CDC42BPA: variants seen among roughly 807,000 people sequenced by gnomAD.
CDC42BPA encodes serine/threonine-protein kinase MRCK alpha.
CDC42BPA carries 80 observed loss-of-function variants against 223.5 expected under a neutral mutation model. That is an observed-to-expected ratio of 0.36 (90% confidence interval 0.30 to 0.43). The LOEUF is 0.43. CDC42BPA is among the 20% of genes least tolerant of loss of function. The pLI, the probability that CDC42BPA is intolerant of heterozygous loss-of-function variation, is 1.00. For synonymous variants in CDC42BPA, 694 were observed against 718.6 expected (o/e 0.97, Z 0.55); for missense variants, 1,743 against 2,099.9 (o/e 0.83, Z 3.32).
intron 5 of CDC42BPA, among the ~76,000 whole-genome samples, chr1:227,188,751 C>T (rs944460331): frequency 1.3e-4 from 20 of 152,220 alleles, no homozygotes; most frequent in African/African-American, 4.8e-4. Context: ...GAAATTATTC[C>T]GCATAATACT....
chr1:227,205,696 C>T (rs1229305280), intron 3 of CDC42BPA, among the ~76,000 whole-genome samples: 1 of 152,086 alleles, frequency 6.6e-6, no homozygotes, highest in African/African-American at 2.4e-5. Context: ...TATACTGTTA[C>T]CCTACTTATG....
At position 226,994,180 on chromosome 1, in the gene CDC42BPA, C is replaced by CGAGCAGGCGAGGTGGAGGGAA. The variant is rs1661099777; in HGVS notation, c.*67_*87dup. On this transcript the variant is annotated 3_prime_UTR_variant, in exon 37 of 37. Coordinates refer to ENST00000366766, the MANE Select transcript of CDC42BPA (RefSeq NM_001394014.1). The surrounding 1 kb of genome is among the most constrained non-coding windows in gnomAD (Gnocchi z 4.0). Reference sequence around the variant, plus strand: ...TGCCAGCCCCTGGTGGCTTTCAGGCCGAGCAGGCGAGGTGGAGGGAAGAGA... The same window carrying CGAGCAGGCGAGGTGGAGGGAA: ...TGCCAGCCCCTGGTGGCTTTCAGGCCGAGCAGGCGAGGTGGAGGGAAGAGCAGGCGAGGTGGAGGGAAGAGA... 1.5e-6 allele frequency: 2 copies of CGAGCAGGCGAGGTGGAGGGAA among 1,369,760 alleles called. No individual in the cohort carries two copies. Among genetic ancestry groups the CGAGCAGGCGAGGTGGAGGGAA allele is most frequent in the Non-Finnish European group, 2.0e-6 (2 of 1,007,580 alleles). The allele number at this position is 1,369,760 out of a possible 1,614,324, so 84.9% of individuals were successfully genotyped here.
intron 1 of CDC42BPA, among the ~76,000 whole-genome samples, chr1:227,262,294 CAT>C (rs1365259324): frequency 6.6e-6 from 1 of 151,978 alleles, no homozygotes; most frequent in Non-Finnish European, 1.5e-5. Flanking sequence ...GATATATTAA[CAT>C]GTGCATATAG....
intron 21 of CDC42BPA, chr1:227,059,377 C>T (rs1675317088): frequency 1.9e-6 from 3 of 1,562,934 alleles, no homozygotes; most frequent in South Asian, 1.2e-5. Context: ...TCTTACACGT[C>T]TGCCTTTGCT....
intron 32 of CDC42BPA, among the ~76,000 whole-genome samples, chr1:227,017,666 C>A (rs1338414264): frequency 6.6e-6 from 1 of 152,098 alleles, no homozygotes; most frequent in Non-Finnish European, 1.5e-5. Context: ...GATGTTTAAT[C>A]ATATACACCT....
At chr1:227,163,067 T>TGTGTTTCC (rs1558649614) in intron 5 of CDC42BPA, among the ~76,000 whole-genome samples, 1 of 52,930 alleles carries the variant, frequency 1.9e-5, no homozygotes, top group African/African-American at 1.0e-4. Flanking sequence ...TTTCCAAACA[T>TGTGTTTCC]AAATGTGTGT....
rs1251263825 is a variant in CDC42BPA, at chr1:227,294,636, G to A, written c.178+22369C>T. Among the ~76,000 whole-genome samples the A allele has an allele frequency of 9.5e-5, 7 of 73,308 alleles. 1 individual carries two copies. The highest frequency in any genetic ancestry group is 2.0e-4 in the Non-Finnish European group (7 of 35,116). 48.1% of individuals were successfully genotyped at this position (73,308 alleles called of 152,430 possible). A position where few individuals can be genotyped will look rare whatever the true frequency, so the allele number is the denominator to read the frequency against. On this transcript the variant is annotated intron_variant, in intron 1 of 36. Transcript: ENST00000366766. ...AGCACTTTGGGAGGCCGAGGCGGGC[G>A]GATCACGAGGTCAGGAGATCGAGAC...
At chr1:226,998,789 G>A (rs189537629) in intron 35 of CDC42BPA, among the ~76,000 whole-genome samples, 22 of 152,170 alleles carry the variant, frequency 1.4e-4, no homozygotes, top group Admixed American at 7.2e-4. Flanking sequence ...GCCAAAATTG[G>A]CAAATGGGAT....
intron 30 of CDC42BPA, among the ~76,000 whole-genome samples, chr1:227,027,041 C>T (rs976869547): frequency 1.2e-4 from 18 of 152,152 alleles, no homozygotes; most frequent in African/African-American, 1.7e-4. Flanking sequence ...GATCCTCCTG[C>T]CTCAGCCTCC....
At position 227,156,580 on chromosome 1, in the gene CDC42BPA, T is replaced by A. The variant is rs1662859098; in HGVS notation, c.693+3963A>T. On this transcript the variant is annotated intron_variant, in intron 6 of 36. Coordinates refer to ENST00000366766, the MANE Select transcript of CDC42BPA (RefSeq NM_001394014.1). ...CAATAAGTATGCTAGAAACAAAACA[T>A]AAAATATTATCCTATTGTCCAGAAA... is the stretch of plus-strand genomic sequence containing the variant. Among the ~76,000 whole-genome samples, 3 of 151,948 alleles carry A rather than the reference T, an allele frequency of 2.0e-5. No homozygotes were observed. The South Asian group carries it at 6.2e-4, about 32-fold the overall frequency.
In CDC42BPA at chr1:227,214,642, G is replaced by A. The variant is rs12024907; in HGVS notation, c.271-1423C>T. Among the ~76,000 whole-genome samples, 15 of 152,198 alleles carry A rather than the reference G, an allele frequency of 9.9e-5. 1 individual carries two copies. The South Asian group carries it at 1.5e-3, about 15-fold the overall frequency. ...AGCTATACAAGACTCAATTTAGGGC[G>A]GGGAAAACACACAGAACACTATGAC... is the stretch of plus-strand genomic sequence containing the variant. On this transcript the variant is annotated intron_variant, in intron 2 of 36. Transcript: ENST00000366766.
chr1:227,064,479 C>T (rs994912069), intron 21 of CDC42BPA, among the ~76,000 whole-genome samples: 2 of 152,112 alleles, frequency 1.3e-5, no homozygotes, highest in African/African-American at 4.8e-5. Context: ...GAAGTTGCTA[C>T]AAGCTTGGTG....
intron 20 of CDC42BPA, 45 bp from the exon 21 acceptor site, chr1:227,069,898 T>G (rs1334993907): frequency 4.6e-6 from 6 of 1,291,926 alleles, no homozygotes; most frequent in Non-Finnish European, 6.7e-6. Flanking sequence ...ACAATTAAAA[T>G]TGATTTTAAT....
At chr1:227,255,287 T>C (rs1682843354) in intron 1 of CDC42BPA, among the ~76,000 whole-genome samples, 1 of 152,152 alleles carries the variant, frequency 6.6e-6, no homozygotes, top group South Asian at 2.1e-4. Flanking sequence ...AGATCAAAGA[T>C]ACATATTTGA....
At chr1:226,997,116 T>G (rs1661776419) in intron 35 of CDC42BPA, among the ~76,000 whole-genome samples, 1 of 152,258 alleles carries the variant, frequency 6.6e-6, no homozygotes, top group Admixed American at 6.5e-5. Flanking sequence ...GGCTATTAAT[T>G]ACTGCCTCAA....
At chr1:227,255,411 A>G (rs370529862) in intron 1 of CDC42BPA, among the ~76,000 whole-genome samples, 115 of 151,292 alleles carry the variant, frequency 7.6e-4, no homozygotes, top group Middle Eastern at 3.4e-3. Flanking sequence ...CAAGTCCACT[A>G]GGGATTTCTG....
intron 1 of CDC42BPA, among the ~76,000 whole-genome samples, chr1:227,290,226 GCC>G (rs1689473162): frequency 6.6e-6 from 1 of 151,926 alleles, no homozygotes. Context: ...CATCTAAAAT[GCC>G]CCCTTTTCTC....
intron 17 of CDC42BPA, 76 bp from the exon 18 acceptor site, chr1:227,074,440 T>A: frequency 9.5e-7 from 1 of 1,048,166 alleles, no homozygotes; most frequent in Non-Finnish European, 1.4e-6. Context: ...TAAAGCTTCC[T>A]AAAGAAATAA....
intron 2 of CDC42BPA, among the ~76,000 whole-genome samples, chr1:227,228,661 T>G (rs1227362956): frequency 4.1e-5 from 6 of 144,906 alleles, no homozygotes; most frequent in Non-Finnish European, 1.5e-5. Flanking sequence ...ATGCATAAGC[T>G]TTCCAATTTC....
Sources: gnomAD v4.1 joint callset for allele counts (sites outside exome capture counted in the v4.1 genomes callset) on GRCh38, gnomAD v4.1.1 for gene constraint, Gnocchi (gnomAD v3.1) non-coding constraint, MANE v1.5 for transcripts, NCBI Gene and HGNC (gene_info 2026-07-23, HGNC 2026-07-21) for gene names.